SCGN: variants seen among roughly 807,000 people sequenced by gnomAD.
SCGN encodes the protein secretagogin.
Under a neutral mutation model 39.7 loss-of-function variants are expected in SCGN, and 30 were observed. The ratio of observed to expected loss-of-function variants is 0.76; its 90% CI spans 0.57 to 1.03. SCGN has a LOEUF of 1.03. Ranked by LOEUF, SCGN falls within the 50% of genes least tolerant of loss-of-function variation. The pLI is 0.00. For synonymous variants in SCGN, 106 were observed against 114.1 expected, an observed-to-expected ratio of 0.93 and a Z score of 0.45; for missense variants, 353 against 349.4, an observed-to-expected ratio of 1.01 and a Z score of -0.08.
At chr6:25,678,577 C>A (rs763562576) in intron 6 of SCGN, among the ~76,000 whole-genome samples, 1 of 152,192 alleles carries the variant, frequency 6.6e-6, no homozygotes, top group African/African-American at 2.4e-5. Flanking sequence ...CTGACCTCAG[C>A]TGCCCAATGG....
At chr6:25,680,045 CAA>C (rs10533067) in intron 6 of SCGN, among the ~76,000 whole-genome samples, 58,606 of 151,906 alleles carry the variant, frequency 0.39, 12,114 homozygotes, top group Non-Finnish European at 0.47. Context: ...TTATTTATTA[CAA>C]ACGCAGATTT....
intron 10 of SCGN, among the ~76,000 whole-genome samples, chr6:25,692,659 A>G (rs1343907966): frequency 1.3e-5 from 2 of 152,220 alleles, no homozygotes; most frequent in Non-Finnish European, 2.9e-5. Context: ...GTTGCTGACA[A>G]CAGTCTTGTG....
At chr6:25,685,706 C>CA (rs775600756) in intron 7 of SCGN, among the ~76,000 whole-genome samples, 15 of 152,038 alleles carry the variant, frequency 9.9e-5, no homozygotes, top group East Asian at 7.7e-4. Flanking sequence ...CTTTCTAAAA[C>CA]AAAAACAAGA....
chr6:25,689,243 G>T, intron 8 of SCGN, 26 bp downstream of exon 8: 3 of 1,521,204 alleles, frequency 2.0e-6, no homozygotes, highest in Non-Finnish European at 2.7e-6. Context: ...TCTCTAGATG[G>T]GTTTATGTCA....
intron 8 of SCGN, 108 bp downstream of exon 8, chr6:25,689,325 T>G: frequency 8.7e-7 from 1 of 1,152,542 alleles, no homozygotes; most frequent in Non-Finnish European, 1.3e-6. Flanking sequence ...TTTTAACTTA[T>G]TTAGAAAACA....
chr6:25,672,677 G>A (rs1276876995), intron 6 of SCGN, among the ~76,000 whole-genome samples: 5 of 152,280 alleles, frequency 3.3e-5, no homozygotes, highest in Non-Finnish European at 1.5e-5. Flanking sequence ...TGAGGACTTG[G>A]GGTTTTAGTG....
In SCGN at chr6:25,701,263, C is replaced by A. The variant is rs770783170; in HGVS notation, c.759C>A (p.Cys253Ter). The change falls in exon 11 of 11, where the codon TGC (cysteine) becomes TGA (stop). Residue 253 changes from cysteine (C) to a stop codon, truncating the protein, a stop_gained. Transcript: ENST00000377961. LOFTEE classifies it high-confidence loss of function. ...TCCGCGAGATTCTCCTGCGTCACTG[C>A]GACGTGAACAAGGATGGAAAAATTC... ...DKFREILLRH[C>*]DVNKDGKIQK... The A allele has an allele frequency of 6.2e-7, 1 of 1,613,558 alleles. No homozygotes were observed. Among genetic ancestry groups the A allele is most frequent in the Non-Finnish European group, 8.5e-7 (1 of 1,179,834 alleles).
intron 3 of SCGN, among the ~76,000 whole-genome samples, chr6:25,664,622 G>T (rs770557784): frequency 6.6e-6 from 1 of 152,124 alleles, no homozygotes; most frequent in Non-Finnish European, 1.5e-5. Context: ...GAAGTTCTTA[G>T]AATAGTGCCT....
intron 3 of SCGN, among the ~76,000 whole-genome samples, chr6:25,664,568 AT>A (rs1418313905): frequency 6.6e-6 from 1 of 152,152 alleles, no homozygotes; most frequent in African/African-American, 2.4e-5. Flanking sequence ...ATTATTTGCT[AT>A]TTTTATTTTC....
At chr6:25,693,613 T>TA (rs1319007885) in intron 10 of SCGN, among the ~76,000 whole-genome samples, 9 of 151,936 alleles carry the variant, frequency 5.9e-5, no homozygotes, top group African/African-American at 2.2e-4. Flanking sequence ...AACAATAATG[T>TA]AAAAAAAGCC....
At chr6:25,666,299 G>C (rs1375758639) in intron 4 of SCGN, among the ~76,000 whole-genome samples, 1 of 151,928 alleles carries the variant, frequency 6.6e-6, no homozygotes, top group Admixed American at 6.6e-5. Flanking sequence ...GAGTTGTAGT[G>C]AGCATAGATC....
rs1759724125 is a variant in SCGN at position 25,687,816 on chromosome 6, T to C, written c.528-1356T>C. 1.3e-5 allele frequency among the ~76,000 whole-genome samples: 2 copies of C among 152,162 alleles called. 1 individual carries two copies. Among genetic ancestry groups the C allele is most frequent in the Non-Finnish European group, 2.9e-5 (2 of 68,016 alleles). ...TGCACGTTCAACAGACATTTTCCAG[T>C]GTACTATTTTAATTCCCTTATTATT... is the stretch of plus-strand genomic sequence containing the variant. On this transcript the variant is annotated intron_variant, in intron 7 of 10. Coordinates refer to ENST00000377961, the MANE Select transcript of SCGN (RefSeq NM_006998.4).
At chr6:25,653,336 GT>G (rs1561758415) in intron 1 of SCGN, 45 bp from the exon 2 acceptor site, 11 of 1,229,782 alleles carry the variant, frequency 8.9e-6, no homozygotes, top group African/African-American at 1.7e-5. Context: ...ACTGTCATGT[GT>G]TTTTTATATG....
chr6:25,672,736 C>T (rs1188065782), intron 6 of SCGN, among the ~76,000 whole-genome samples: 3 of 152,124 alleles, frequency 2.0e-5, no homozygotes, highest in Admixed American at 2.0e-4. Context: ...TCAAGATTTG[C>T]CCCCTGGGTT....
At chr6:25,698,716 T>C (rs1280470008) in intron 10 of SCGN, among the ~76,000 whole-genome samples, 1 of 152,216 alleles carries the variant, frequency 6.6e-6, no homozygotes, top group Non-Finnish European at 1.5e-5. Flanking sequence ...TCGAGTTACA[T>C]TGTGGCCTCA....
chr6:25,668,725 T>C (rs1561763660), intron 4 of SCGN, among the ~76,000 whole-genome samples: 1 of 150,152 alleles, frequency 6.7e-6, no homozygotes, highest in Non-Finnish European at 1.5e-5. Context: ...AGGCTTTGGT[T>C]TCAGTCCTAC....
In SCGN at chr6:25,661,587, A is replaced by G; in HGVS notation, c.189A>G (p.Lys63=). The change falls in exon 3 of 11, where the codon AAA becomes AAG. Residue 63 remains lysine (K), a synonymous_variant. Transcript: ENST00000377961. ...TVMKANLHKV[K]QQFMTTQDAS... ...TGAAAGCAAATTTGCACAAGGTGAA[A>G]CAGCAGTTTATGACTACCCAAGATG... 6.2e-7 allele frequency: 1 copy of G among 1,613,760 alleles called. No homozygotes were observed.
intron 7 of SCGN, among the ~76,000 whole-genome samples, chr6:25,684,210 G>A (rs940582489): frequency 2.6e-5 from 4 of 152,148 alleles, no homozygotes; most frequent in African/African-American, 7.2e-5. Flanking sequence ...CTCACTTGGT[G>A]GAGTGTTGTG....
At chr6:25,684,973 A>G (rs1437163198) in intron 7 of SCGN, among the ~76,000 whole-genome samples, 2 of 152,188 alleles carry the variant, frequency 1.3e-5, no homozygotes, top group Non-Finnish European at 2.9e-5. Flanking sequence ...TGGGCCCAAT[A>G]TAATAACAAA....
Sources: allele counts gnomAD v4.1 joint callset (sites outside exome capture counted in the v4.1 genomes callset), GRCh38; gene constraint gnomAD v4.1.1; transcripts MANE v1.5; gene names NCBI Gene and HGNC (gene_info 2026-07-23, HGNC 2026-07-21).